The following INPP1 variants were observed in gnomAD, a reference collection of about 807,000 sequenced individuals.
INPP1 encodes inositol polyphosphate-1-phosphatase.
Under a neutral mutation model 23.0 loss-of-function variants are expected in INPP1, and 18 were observed. The ratio of observed to expected loss-of-function variants is 0.78; its 90% CI spans 0.54 to 1.16. The LOEUF is 1.16. Ranked by LOEUF, INPP1 falls within the 50% of genes most tolerant of loss-of-function variation. The probability of loss-of-function intolerance (pLI) is 0.00; values close to 1 mark genes in which losing one functional copy is unlikely to be tolerated. For missense variants in INPP1, 448 were observed against 482.1 expected (o/e 0.93, Z 0.66); for synonymous variants, 164 against 176.3 (o/e 0.93, Z 0.55).
intron 2 of INPP1, 92 bp from the exon 3 acceptor site, chr2:190,359,947 G>T: frequency 1.5e-6 from 1 of 649,156 alleles, no homozygotes; most frequent in Non-Finnish European, 2.7e-6. Flanking sequence ...GGCTGACCAG[G>T]TTGACTGCCA....
In INPP1 at chr2:190,363,248, T is replaced by C. The variant is rs994918877; in HGVS notation, c.265+561T>C. Reference sequence around the variant, plus strand: ...CTAAGTTTTTTGGTTTGTTTGTTTGTTTTTGAGACAGAGTTGCTCTGTTGC... The same window carrying C: ...CTAAGTTTTTTGGTTTGTTTGTTTGCTTTTGAGACAGAGTTGCTCTGTTGC... On this transcript the variant is annotated intron_variant, in intron 4 of 6. Coordinates refer to ENST00000392329, the MANE Select transcript of INPP1 (RefSeq NM_001128928.2). The surrounding 1 kb of genome is among the most constrained non-coding windows in gnomAD (Gnocchi z 4.4). Among the ~76,000 whole-genome samples the C allele has an allele frequency of 2.6e-5, 4 of 152,226 alleles. No homozygotes were observed.
chr2:190,359,969 A>G lies in INPP1; in HGVS notation c.-64-70A>G. ...CAGGTTGACTGCCAAATGGGTTGTTAGTAGTGCCAGAGGCACCCTGACATC... is the reference window on the plus strand; with the variant it reads ...CAGGTTGACTGCCAAATGGGTTGTTGGTAGTGCCAGAGGCACCCTGACATC... On this transcript the variant is annotated intron_variant, in intron 2 of 6. Transcript: ENST00000392329. 5.1e-6 allele frequency: 4 copies of G among 786,746 alleles called. No individual in the cohort carries two copies. In the South Asian group the frequency reaches 5.2e-5, roughly 10 times the overall value. 48.7% of individuals were successfully genotyped at this position (786,746 alleles called of 1,614,324 possible).
rs965814839 is a variant in INPP1 at position 190,346,577 on chromosome 2, A to G, written c.-208-2311A>G. 1.8e-4 allele frequency among the ~76,000 whole-genome samples: 28 copies of G among 152,198 alleles called. No individual in the cohort carries two copies. The highest frequency in any genetic ancestry group is 3.2e-3 in the Middle Eastern group (1 of 316). ...CAGATTACTGTAACTAGTAATCCAC[A>G]GCAAAATATTGTACCTAATAATTTC... is the stretch of plus-strand genomic sequence containing the variant. On this transcript the variant is annotated intron_variant, in intron 1 of 6. Transcript: ENST00000392329. This position sits in a 1 kb window ranked among gnomAD's most constrained non-coding sequence, Gnocchi z 5.1.
rs1166267231 is a variant in INPP1 at position 190,354,540 on chromosome 2, G to A, written c.-64-5499G>A. 1.3e-5 allele frequency among the ~76,000 whole-genome samples: 2 copies of A among 152,198 alleles called. No individual in the cohort carries two copies. Among genetic ancestry groups the A allele is most frequent in the Non-Finnish European group, 2.9e-5 (2 of 68,040 alleles). Reference sequence around the variant, plus strand: ...AAAGGGAGACATGCCAGAGATTAACGCCCACGATGGAAAGGCCAGGTGAGG... The same window carrying A: ...AAAGGGAGACATGCCAGAGATTAACACCCACGATGGAAAGGCCAGGTGAGG... On this transcript the variant is annotated intron_variant, in intron 2 of 6. Coordinates refer to ENST00000392329, the MANE Select transcript of INPP1 (RefSeq NM_001128928.2). The surrounding 1 kb of genome is among the most constrained non-coding windows in gnomAD (Gnocchi z 4.8).
At chr2:190,365,164 A>G (rs145018141) in intron 4 of INPP1, 2 of 169,212 alleles carry the variant, frequency 1.2e-5, no homozygotes, top group South Asian at 4.1e-4. Context: ...CAAGGGTCTA[A>G]GAAGCATGTT....
intron 3 of INPP1, 96 bp downstream of exon 3, chr2:190,360,402 G>A (rs773132684): frequency 2.7e-5 from 25 of 927,300 alleles, no homozygotes; most frequent in Non-Finnish European, 3.9e-5. Context: ...ACCCCTATCA[G>A]TATACTAGCA....
At chr2:190,347,538 G>C (rs1049917354) in intron 1 of INPP1, among the ~76,000 whole-genome samples, 1 of 151,668 alleles carries the variant, frequency 6.6e-6, no homozygotes, top group Non-Finnish European at 1.5e-5. Context: ...CCTTTTTTGG[G>C]GGGGGATGGA....
Position 190,354,774 on chromosome 2 carries a change from C to A in INPP1, c.-64-5265C>A, listed in dbSNP as rs1464308155. Among the ~76,000 whole-genome samples the A allele has an allele frequency of 6.6e-6, 1 of 152,186 alleles. No homozygotes were observed. Among genetic ancestry groups the A allele is most frequent in the African/African-American group, 2.4e-5 (1 of 41,442 alleles). On this transcript the variant is annotated intron_variant, in intron 2 of 6. Coordinates refer to ENST00000392329, the MANE Select transcript of INPP1 (RefSeq NM_001128928.2). This position sits in a 1 kb window ranked among gnomAD's most constrained non-coding sequence, Gnocchi z 4.8. The stretch of plus-strand genomic sequence containing the variant: ...TCAATGCCATGACAGTTAAGGGAGA[C>A]ATCAGTGGAACTTAATAGATGAGCT...
intron 1 of INPP1, among the ~76,000 whole-genome samples, chr2:190,348,489 A>G (rs1689265683): frequency 6.6e-6 from 1 of 152,192 alleles, no homozygotes; most frequent in East Asian, 1.9e-4. Context: ...AGCACTGTTC[A>G]TGTCCAGAAT....
Position 190,368,013 on chromosome 2 carries a change from C to T in INPP1, c.467-1090C>T, listed in dbSNP as rs1335230769. Among the ~76,000 whole-genome samples the T allele has an allele frequency of 1.3e-5, 2 of 152,152 alleles. No homozygotes were observed. The highest frequency in any genetic ancestry group is 2.9e-5 in the Non-Finnish European group (2 of 68,026). On this transcript the variant is annotated intron_variant, in intron 5 of 6. Transcript: ENST00000392329. The surrounding 1 kb of genome is among the most constrained non-coding windows in gnomAD (Gnocchi z 4.3). The stretch of plus-strand genomic sequence containing the variant: ...TCCTCTCTGGGCCCTTCCCATCCTA[C>T]AAGTGCATTCACAGGATGATACTGA...
In INPP1 at chr2:190,360,238, G is replaced by C; in HGVS notation, c.136G>C (p.Ala46Pro). Residue 46 changes from alanine (A) to proline (P), a missense_variant, in exon 3 of 7, where the codon GCA becomes CCA. Physicochemically the swap from Ala to Pro is conservative, Grantham distance 27 (BLOSUM62 -1). Transcript: ENST00000392329. ...KKEGEKNKKF[A>P]VDFKTLADVL... The stretch of plus-strand genomic sequence containing the variant: ...AGAGGGAGAAAAGAACAAGAAGTTT[G>C]CAGTTGACTTCAAGACGCTGGCTGA... 6.2e-7 allele frequency: 1 copy of C among 1,614,224 alleles called. No individual in the cohort carries two copies. Among genetic ancestry groups the C allele is most frequent in the Non-Finnish European group, 8.5e-7 (1 of 1,180,044 alleles).
chr2:190,366,516 TCA>T (rs1218490813), intron 4 of INPP1, among the ~76,000 whole-genome samples, 177 bp from the exon 5 acceptor site: 2 of 151,858 alleles, frequency 1.3e-5, no homozygotes, highest in African/African-American at 2.4e-5. Flanking sequence ...TGTCTCTCTC[TCA>T]CTCTCTTGCT....
At chr2:190,365,348 A>G (rs1230639724) in intron 4 of INPP1, among the ~76,000 whole-genome samples, 1 of 152,228 alleles carries the variant, frequency 6.6e-6, no homozygotes, top group Non-Finnish European at 1.5e-5. Flanking sequence ...ATTTTATGTT[A>G]CTTAGCATAA....
In INPP1 at chr2:190,367,947, C is replaced by T. The variant is rs923143505; in HGVS notation, c.466+1052C>T. On this transcript the variant is annotated intron_variant, in intron 5 of 6. Coordinates refer to ENST00000392329, the MANE Select transcript of INPP1 (RefSeq NM_001128928.2). The surrounding 1 kb of genome is among the most constrained non-coding windows in gnomAD (Gnocchi z 4.1). Reference sequence around the variant, plus strand: ...AAGCTCCCCCTTCCTTTTTTTTCTTCCCCACCCAACACAATGGGACCATTC... The same window carrying T: ...AAGCTCCCCCTTCCTTTTTTTTCTTTCCCACCCAACACAATGGGACCATTC... Among the ~76,000 whole-genome samples, 1 of 151,484 alleles carries T rather than the reference C, an allele frequency of 6.6e-6. No individual in the cohort carries two copies. The highest frequency in any genetic ancestry group is 2.4e-5 in the African/African-American group (1 of 41,282).
intron 3 of INPP1, 36 bp downstream of exon 3, chr2:190,360,342 G>A (rs921909758): frequency 6.3e-7 from 1 of 1,583,278 alleles, no homozygotes; most frequent in Non-Finnish European, 8.7e-7. Flanking sequence ...CTGCAAAATA[G>A]TTGCATCTGT....
intron 4 of INPP1, 133 bp downstream of exon 4, chr2:190,362,820 T>C (rs892085340): frequency 2.0e-6 from 1 of 490,846 alleles, no homozygotes; most frequent in Admixed American, 4.0e-5. Context: ...ATGTTAAGGT[T>C]CATTCAATTT....
At chr2:190,361,293 G>A (rs1309833477) in intron 3 of INPP1, among the ~76,000 whole-genome samples, 1 of 152,120 alleles carries the variant, frequency 6.6e-6, no homozygotes, top group Non-Finnish European at 1.5e-5. Context: ...TTACATTTGG[G>A]AGAATAGAAC....
chr2:190,371,034 C>A lies in INPP1; in HGVS notation c.832C>A (p.Arg278Ser). The A allele has an allele frequency of 6.2e-7, 1 of 1,614,124 alleles. No homozygotes were observed. The highest frequency in any genetic ancestry group is 8.5e-7 in the Non-Finnish European group (1 of 1,180,016). Reference protein sequence around the residue: ...EKETIKAALSRVCGDRIFGAA... With the variant: ...EKETIKAALSSVCGDRIFGAA... ...GGAGACTATCAAAGCTGCATTGTCA[C>A]GTGTGTGTGGAGATCGCATATTTGG... is the stretch of plus-strand genomic sequence containing the variant. The change falls in exon 7 of 7, where the codon CGT (arginine) becomes AGT (serine). Residue 278 changes from arginine (R) to serine (S), a missense_variant. Arg to Ser is a moderately radical substitution (Grantham distance 110). Transcript: ENST00000392329. This position sits in a 1 kb window ranked among gnomAD's most constrained non-coding sequence, Gnocchi z 5.3.
intron 3 of INPP1, 39 bp downstream of exon 3, chr2:190,360,345 G>A: frequency 1.3e-6 from 2 of 1,574,630 alleles, no homozygotes; most frequent in Non-Finnish European, 1.7e-6. Context: ...CAAAATAGTT[G>A]CATCTGTGGC....
Sources: allele counts gnomAD v4.1 joint callset (sites outside exome capture counted in the v4.1 genomes callset), GRCh38; gene constraint gnomAD v4.1.1; non-coding constraint Gnocchi (gnomAD v3.1); transcripts MANE v1.5; gene names NCBI Gene and HGNC (gene_info 2026-07-23, HGNC 2026-07-21).